The following MAP7 variants were observed in gnomAD, a reference collection of about 807,000 sequenced individuals.
MAP7 encodes the protein ensconsin.
In MAP7, 52 loss-of-function variants were observed where a neutral mutation model predicts 94.8. The ratio of observed to expected loss-of-function variants is 0.55; its 90% CI spans 0.44 to 0.69. The LOEUF is 0.69. Among genes scored for constraint, MAP7 ranks in the 30% least tolerant of loss-of-function variants. The pLI is 0.00. For synonymous variants in MAP7, 350 were observed against 357.0 expected (o/e 0.98, Z 0.22); for missense variants, 940 against 964.6 (o/e 0.97, Z 0.34).
At chr6:136,453,406 T>C (rs979023541) in intron 1 of MAP7, among the ~76,000 whole-genome samples, 3 of 152,250 alleles carry the variant, frequency 2.0e-5, no homozygotes, top group African/African-American at 7.2e-5. Context: ...TCAAATGCAC[T>C]GCTTAAGATT....
chr6:136,439,070 G>C (rs565144882), intron 1 of MAP7, among the ~76,000 whole-genome samples: 8 of 152,278 alleles, frequency 5.3e-5, no homozygotes, highest in Non-Finnish European at 1.2e-4. Flanking sequence ...CTATTGATAG[G>C]TTAATACCTG....
rs369414732 is a variant in MAP7 at position 136,365,846 on chromosome 6, C to G, written c.1162G>C (p.Glu388Gln). 13 of 1,614,148 alleles carry G rather than the reference C, an allele frequency of 8.1e-6. No individual in the cohort carries two copies. The highest frequency in any genetic ancestry group is 1.1e-5 in the Non-Finnish European group (13 of 1,180,020). Residue 388 changes from glutamate (E) to glutamine (Q), a missense_variant, in exon 10 of 18, where the codon GAA becomes CAA. Transcript: ENST00000354570. The stretch of plus-strand genomic sequence containing the variant: ...GGCTCATTGGCAACTTTCTGAGGTT[C>G]CTTCTCAGGATCTTTCTTCTCAGGC... ...VEPEKKDPEKEPQKVANEPSL... is the reference protein window; with the variant it reads ...VEPEKKDPEKQPQKVANEPSL...
At chr6:136,521,854 TCA>T (rs1826493803) in intron 1 of MAP7, among the ~76,000 whole-genome samples, 1 of 152,216 alleles carries the variant, frequency 6.6e-6, no homozygotes, top group Admixed American at 6.5e-5. Flanking sequence ...GCTAATGGCT[TCA>T]CAGTTGGCAC....
intron 1 of MAP7, among the ~76,000 whole-genome samples, chr6:136,456,493 G>A (rs1040265061): frequency 1.3e-5 from 2 of 151,856 alleles, no homozygotes; most frequent in Non-Finnish European, 2.9e-5. Flanking sequence ...GAAACATAGG[G>A]AGACCCTGTC....
intron 1 of MAP7, among the ~76,000 whole-genome samples, chr6:136,535,286 G>T (rs539447442): frequency 2.0e-5 from 3 of 152,198 alleles, no homozygotes; most frequent in Admixed American, 1.3e-4. Flanking sequence ...GCCTGCTCCC[G>T]CTTCACCTTC....
At chr6:136,451,555 A>T (rs1801125990) in intron 1 of MAP7, among the ~76,000 whole-genome samples, 1 of 152,244 alleles carries the variant, frequency 6.6e-6, no homozygotes, top group South Asian at 2.1e-4. Flanking sequence ...CCCATCCTGC[A>T]GACCATGGAT....
intron 3 of MAP7, among the ~76,000 whole-genome samples, chr6:136,405,949 A>G (rs1009304314): frequency 2.6e-5 from 4 of 152,164 alleles, no homozygotes; most frequent in Admixed American, 2.0e-4. Flanking sequence ...AAATTCCAGG[A>G]GGTTATGAAA....
At chr6:136,439,472 G>A (rs1797244993) in intron 1 of MAP7, among the ~76,000 whole-genome samples, 1 of 152,092 alleles carries the variant, frequency 6.6e-6, no homozygotes, top group African/African-American at 2.4e-5. Flanking sequence ...TCAGGTTTTT[G>A]TTATTAGCAG....
rs1281271372 is a variant in MAP7, at chr6:136,345,948, T to C, written c.2147A>G (p.Glu716Gly). ...RLDVTNSESP[E>G]IPLNPILAFD... ...GGCCAAAATTGGATTCAAAGGAATT[T>C]CTGGGCTCTCACTGTTGGTGACATC... is the stretch of plus-strand genomic sequence containing the variant. The change falls in exon 17 of 18, where the codon GAA (glutamate) becomes GGA (glycine). Residue 716 changes from glutamate (E) to glycine (G), a missense_variant. By Grantham distance (98) the Glu-to-Gly change is moderately conservative (BLOSUM62 -2). Coordinates refer to ENST00000354570, the MANE Select transcript of MAP7 (RefSeq NM_003980.6). The C allele has an allele frequency of 1.9e-6, 3 of 1,614,134 alleles. No individual in the cohort carries two copies. The highest frequency in any genetic ancestry group is 2.5e-6 in the Non-Finnish European group (3 of 1,179,992).
At chr6:136,408,822 C>T (rs2128731834) in intron 3 of MAP7, among the ~76,000 whole-genome samples, 1 of 152,060 alleles carries the variant, frequency 6.6e-6, no homozygotes, top group East Asian at 1.9e-4. Context: ...CTATAAAGCA[C>T]AGTTCATAGA....
intron 1 of MAP7, among the ~76,000 whole-genome samples, chr6:136,461,166 A>G (rs191362903): frequency 6.6e-6 from 1 of 152,348 alleles, no homozygotes; most frequent in East Asian, 1.9e-4. Context: ...CATGTTTTAT[A>G]ACTAAGAGAA....
chr6:136,479,888 T>C (rs1812180529), intron 1 of MAP7, among the ~76,000 whole-genome samples: 2 of 152,136 alleles, frequency 1.3e-5, no homozygotes, highest in Non-Finnish European at 1.5e-5. Flanking sequence ...TGTTCATAAA[T>C]ATGAAAAATC....
intron 7 of MAP7, 119 bp from the exon 8 acceptor site, chr6:136,372,744 T>TA: frequency 7.8e-7 from 1 of 1,285,772 alleles, no homozygotes; most frequent in Non-Finnish European, 1.1e-6. Flanking sequence ...AAAGCAGAGA[T>TA]AGAGAGAAAA....
chr6:136,525,217 GC>G (rs1827488189), intron 1 of MAP7, among the ~76,000 whole-genome samples: 1 of 152,168 alleles, frequency 6.6e-6, no homozygotes, highest in Admixed American at 6.5e-5. Flanking sequence ...CATTTCAACT[GC>G]CATACACGAA....
At chr6:136,373,122 T>G (rs879603534) in intron 7 of MAP7, among the ~76,000 whole-genome samples, 1 of 152,148 alleles carries the variant, frequency 6.6e-6, no homozygotes, top group Non-Finnish European at 1.5e-5. Context: ...ATACTACAAC[T>G]GTTTCAGGAT....
intron 3 of MAP7, among the ~76,000 whole-genome samples, chr6:136,397,336 T>A (rs1782759816): frequency 6.6e-6 from 1 of 152,092 alleles, no homozygotes; most frequent in Non-Finnish European, 1.5e-5. Flanking sequence ...AAAAATAAGC[T>A]AGAAGGTGTA....
At position 136,456,767 on chromosome 6, in the gene MAP7, G is replaced by GGAAGAAGAAGAAGAAGAAGAA. The variant is rs1554259489; in HGVS notation, c.68-34989_68-34969dup. Among the ~76,000 whole-genome samples, 80 of 60,578 alleles carry GGAAGAAGAAGAAGAAGAAGAA rather than the reference G, an allele frequency of 1.3e-3. 2 individuals are homozygous for GGAAGAAGAAGAAGAAGAAGAA. Among genetic ancestry groups the GGAAGAAGAAGAAGAAGAAGAA allele is most frequent in the East Asian group, 2.1e-3 (4 of 1,938 alleles). The allele number at this position is 60,578 out of a possible 152,430, so 39.7% of individuals were successfully genotyped here. ...AGAAGGAGGAGGAGGAGGAGGAGGAGGAAGAAGAAGAAGAAGAAGAAGAAG... is the reference window on the plus strand; with the variant it reads ...AGAAGGAGGAGGAGGAGGAGGAGGAGGAAGAAGAAGAAGAAGAAGAAGAAGAAGAAGAAGAAGAAGAAGAAG... On this transcript the variant is annotated intron_variant, in intron 1 of 17. Coordinates refer to ENST00000354570, the MANE Select transcript of MAP7 (RefSeq NM_003980.6).
At chr6:136,380,853 G>A (rs966378816) in intron 6 of MAP7, among the ~76,000 whole-genome samples, 11 of 152,166 alleles carry the variant, frequency 7.2e-5, no homozygotes, top group African/African-American at 1.2e-4. Flanking sequence ...TGGAGGGCCC[G>A]GGGAAGCACA....
chr6:136,438,207 G>C (rs1178173420), intron 1 of MAP7, among the ~76,000 whole-genome samples: 1 of 152,194 alleles, frequency 6.6e-6, no homozygotes, highest in Non-Finnish European at 1.5e-5. Context: ...AGCAGCATCA[G>C]CAACTGTGAG....
Sources: allele counts gnomAD v4.1 joint callset (sites outside exome capture counted in the v4.1 genomes callset), GRCh38; gene constraint gnomAD v4.1.1; transcripts MANE v1.5; gene names NCBI Gene and HGNC (gene_info 2026-07-23, HGNC 2026-07-21).